The following KIAA0753 variants were observed in gnomAD, a reference collection of about 807,000 sequenced individuals.
KIAA0753 encodes protein moonraker.
A neutral mutation model predicts 116.9 loss-of-function variants in KIAA0753; 114 were observed. The ratio of observed to expected loss-of-function variants is 0.98; its 90% confidence interval spans 0.84 to 1.14. KIAA0753 has a LOEUF of 1.14. Ranked by LOEUF, KIAA0753 falls within the 50% of genes most tolerant of loss-of-function variation. The probability of loss-of-function intolerance (pLI) is 0.00; values close to 1 mark genes in which losing one functional copy is unlikely to be tolerated. For synonymous variants in KIAA0753, 405 were observed against 413.1 expected (o/e 0.98, Z 0.24); for missense variants, 1,156 against 1,172.4 (o/e 0.99, Z 0.20).
intron 15 of KIAA0753, among the ~76,000 whole-genome samples, chr17:6,595,558 T>C (rs529460130): frequency 6.6e-6 from 1 of 152,326 alleles, no homozygotes; most frequent in East Asian, 1.9e-4. Context: ...GATTTAATCA[T>C]GGTGCGATGG....
chr17:6,639,107 CCA>C lies in KIAA0753; in HGVS notation c.-69+1528_-69+1529del, dbSNP rs957594603. The C allele has an allele frequency of 6.5e-6, 1 of 152,688 alleles. No individual in the cohort carries two copies. Among genetic ancestry groups the C allele is most frequent in the Non-Finnish European group, 1.5e-5 (1 of 68,480 alleles). The allele number at this position is 152,688 out of a possible 1,614,324, so 9.5% of individuals were successfully genotyped here. A position where few individuals can be genotyped will look rare whatever the true frequency, so the allele number is the denominator to read the frequency against. Reference sequence around the variant, plus strand: ...CCTGTGCCCCACGGGCCGGGCATACCCACAGAGTCTGTCTCCTCCACAGCCTG... The same window carrying C: ...CCTGTGCCCCACGGGCCGGGCATACCCAGAGTCTGTCTCCTCCACAGCCTG... On this transcript the variant is annotated intron_variant, in intron 1 of 18. Coordinates refer to ENST00000361413, the MANE Select transcript of KIAA0753 (RefSeq NM_014804.3). The surrounding 1 kb of genome is among the most constrained non-coding windows in gnomAD (Gnocchi z 4.3).
intron 17 of KIAA0753, 85 bp from the exon 18 acceptor site, chr17:6,590,088 C>A: frequency 1.9e-6 from 2 of 1,036,438 alleles, no homozygotes; most frequent in Non-Finnish European, 2.8e-6. Flanking sequence ...GGTTTGATAG[C>A]CAAAGGCTCA....
chr17:6,625,279 C>T (rs763472449), intron 3 of KIAA0753, among the ~76,000 whole-genome samples: 18 of 152,174 alleles, frequency 1.2e-4, no homozygotes, highest in Non-Finnish European at 2.2e-4. Context: ...TTAATAAATG[C>T]CTATTGATCA....
chr17:6,624,676 A>T, intron 4 of KIAA0753, 79 bp downstream of exon 4: 1 of 941,740 alleles, frequency 1.1e-6, no homozygotes, highest in Non-Finnish European at 1.7e-6. Flanking sequence ...AATCTTTCTG[A>T]GACAAAAGGA....
chr17:6,635,307 T>C (rs901793884), intron 1 of KIAA0753, 136 bp from the exon 2 acceptor site: 3 of 397,350 alleles, frequency 7.6e-6, no homozygotes, highest in African/African-American at 2.2e-5. Flanking sequence ...GACTGCTTAA[T>C]GACAGGTAAA....
chr17:6,591,778 T>A (rs1478493804), intron 16 of KIAA0753, among the ~76,000 whole-genome samples: 1 of 152,210 alleles, frequency 6.6e-6, no homozygotes, highest in Non-Finnish European at 1.5e-5. Context: ...CCTCCAACGT[T>A]TACCTCTCCT....
intron 15 of KIAA0753, 99 bp downstream of exon 15, chr17:6,596,059 G>T: frequency 8.4e-7 from 1 of 1,183,578 alleles, no homozygotes; most frequent in Non-Finnish European, 1.2e-6. Context: ...CTGGGACTGT[G>T]TGACTCTAAC....
At chr17:6,619,210 C>T (rs531210332) in intron 7 of KIAA0753, among the ~76,000 whole-genome samples, 6 of 151,076 alleles carry the variant, frequency 4.0e-5, no homozygotes, top group Middle Eastern at 3.4e-3. Flanking sequence ...GCCTGGACAA[C>T]GGAGCGAGAT....
At chr17:6,598,622 C>G (rs1304245516) in intron 14 of KIAA0753, among the ~76,000 whole-genome samples, 1 of 152,232 alleles carries the variant, frequency 6.6e-6, no homozygotes, top group South Asian at 2.1e-4. Context: ...ATGGATGCAA[C>G]TTGCACCTTC....
intron 3 of KIAA0753, among the ~76,000 whole-genome samples, chr17:6,627,021 G>T (rs772870640): frequency 7.9e-5 from 12 of 152,318 alleles, no homozygotes; most frequent in Non-Finnish European, 1.8e-4. Context: ...TTTTATGCTG[G>T]AATGGTTTTG....
In KIAA0753 at chr17:6,596,272, C is replaced by T. The variant is rs370508362; in HGVS notation, c.2244G>A (p.Glu748=). The change falls in exon 15 of 19, where the codon GAG becomes GAA. Residue 748 remains glutamate (E), a synonymous_variant. Coordinates refer to ENST00000361413, the MANE Select transcript of KIAA0753 (RefSeq NM_014804.3). The part of the protein sequence containing the change: ...LDDFLEDCAS[E]LWAVTHAKIL... ...TCTTAGCATGAGTCACAGCCCAGAG[C>T]TCACTGGCACAATCTTCCAAAAAAT... 8.4e-5 allele frequency: 135 copies of T among 1,613,474 alleles called. 1 individual carries two copies. The highest frequency in any genetic ancestry group is 8.6e-5 in the Non-Finnish European group (101 of 1,179,782).
rs1269576678 is a variant in KIAA0753, at chr17:6,640,638, T to C, written c.-70A>G. On this transcript the variant is annotated splice_region_variant and 5_prime_UTR_variant, in exon 1 of 19. Coordinates refer to ENST00000361413, the MANE Select transcript of KIAA0753 (RefSeq NM_014804.3). ...CCCCCAGCCCCGGCCCGAGCCCACC[T>C]GGCCTAGGGTGAGGCGCGGCTACTG... is the stretch of plus-strand genomic sequence containing the variant. 1 of 154,738 alleles carries C rather than the reference T, an allele frequency of 6.5e-6. No homozygotes were observed. The highest frequency in any genetic ancestry group is 1.4e-5 in the Non-Finnish European group (1 of 69,580). 9.6% of individuals were successfully genotyped at this position (154,738 alleles called of 1,614,324 possible). A position where few individuals can be genotyped will look rare whatever the true frequency, so the allele number is the denominator to read the frequency against.
chr17:6,586,736 T>A (rs1968606372), intron 18 of KIAA0753, among the ~76,000 whole-genome samples: 1 of 152,234 alleles, frequency 6.6e-6, no homozygotes. Flanking sequence ...ATATCACTCT[T>A]TTATTTGCAT....
intron 12 of KIAA0753, among the ~76,000 whole-genome samples, chr17:6,605,934 T>TA (rs1274720194): frequency 6.6e-6 from 1 of 152,196 alleles, no homozygotes; most frequent in Non-Finnish European, 1.5e-5. Context: ...AAGCTTTTGC[T>TA]ATATGGCCCA....
At chr17:6,611,863 A>T in intron 8 of KIAA0753, 56 bp downstream of exon 8, 1 of 1,454,494 alleles carries the variant, frequency 6.9e-7, no homozygotes, top group Non-Finnish European at 9.6e-7. Context: ...AGTTTATGTG[A>T]CCTTGACAAT....
chr17:6,623,483 T>C (rs796940560), intron 5 of KIAA0753, 26 bp downstream of exon 5: 1 of 1,532,178 alleles, frequency 6.5e-7, no homozygotes, highest in African/African-American at 1.4e-5. Context: ...TAAGCAAGTA[T>C]TGATCATAAT....
chr17:6,628,917 C>A (rs1159284989), intron 2 of KIAA0753, among the ~76,000 whole-genome samples, 176 bp from the exon 3 acceptor site: 2 of 152,178 alleles, frequency 1.3e-5, no homozygotes, highest in Non-Finnish European at 2.9e-5. Context: ...TCATCACATA[C>A]CCCTGGTTCT....
Position 6,628,389 on chromosome 17 carries a change from G to C in KIAA0753, c.446C>G (p.Ser149Ter), listed in dbSNP as rs778471926. The C allele has an allele frequency of 1.9e-6, 3 of 1,614,180 alleles. No homozygotes were observed. The highest frequency in any genetic ancestry group is 1.7e-6 in the Non-Finnish European group (2 of 1,180,014). ...ACACTGACAGGCTGCTTGACTCTTTGATTCCTTCCTTTCCACCCTGTGGTC... is the reference window on the plus strand; with the variant it reads ...ACACTGACAGGCTGCTTGACTCTTTCATTCCTTCCTTTCCACCCTGTGGTC... Reference protein sequence around the residue: ...IPDHRVERKESKSQAACQCSH... With the variant: ...IPDHRVERKE Residue 149 changes from serine (S) to a stop codon, truncating the protein, a stop_gained, in exon 3 of 19, where the codon TCA (serine) becomes TGA (stop). Coordinates refer to ENST00000361413, the MANE Select transcript of KIAA0753 (RefSeq NM_014804.3). LOFTEE classifies it high-confidence loss of function.
chr17:6,621,714 T>G (rs534593407), intron 6 of KIAA0753, among the ~76,000 whole-genome samples: 1 of 152,304 alleles, frequency 6.6e-6, no homozygotes, highest in South Asian at 2.1e-4. Flanking sequence ...AGGTTAAAGG[T>G]ACTCTTACTC....
Sources: allele counts gnomAD v4.1 joint callset (sites outside exome capture counted in the v4.1 genomes callset), GRCh38; gene constraint gnomAD v4.1.1; non-coding constraint Gnocchi (gnomAD v3.1); transcripts MANE v1.5; gene names NCBI Gene and HGNC (gene_info 2026-07-23, HGNC 2026-07-21).